The following CAMK1D variants were observed in gnomAD, a reference collection of about 807,000 sequenced individuals.
The protein encoded by CAMK1D is calcium/calmodulin dependent protein kinase ID.
CAMK1D carries 9 observed loss-of-function variants against 47.7 expected under a neutral mutation model. That is an observed-to-expected ratio of 0.19 (90% CI 0.11 to 0.33). The LOEUF is 0.33. CAMK1D is among the 10% of genes least tolerant of loss of function. CAMK1D has a pLI of 1.00. For missense variants in CAMK1D, 291 were observed against 488.7 expected, an observed-to-expected ratio of 0.60 and a Z score of 3.81; for synonymous variants, 184 against 184.9, an observed-to-expected ratio of 0.99 and a Z score of 0.04.
rs1346806987 is a variant in CAMK1D, at chr10:12,751,060, A to T, written c.300-9888A>T. ...GGAGCCCGTCTCCCCCAATAAGATAAGATAAGATAAGATAAGATAAGATAA... is the reference window on the plus strand; with the variant it reads ...GGAGCCCGTCTCCCCCAATAAGATATGATAAGATAAGATAAGATAAGATAA... On this transcript the variant is annotated intron_variant, in intron 3 of 10. Transcript: ENST00000619168. Among the ~76,000 whole-genome samples the T allele has an allele frequency of 2.2e-3, 3 of 1,390 alleles. No homozygotes were observed. In the East Asian group the frequency reaches 0.041, roughly 19 times the overall value. 0.9% of individuals were successfully genotyped at this position (1,390 alleles called of 152,430 possible). A position where few individuals can be genotyped will look rare whatever the true frequency, so the allele number is the denominator to read the frequency against.
intron 4 of CAMK1D, among the ~76,000 whole-genome samples, chr10:12,763,815 C>G (rs1364685662): frequency 6.6e-6 from 1 of 152,182 alleles, no homozygotes; most frequent in Non-Finnish European, 1.5e-5. Context: ...TATTCCAACT[C>G]AGGTATTGGC....
At chr10:12,640,565 CTTTAT>C (rs1435942631) in intron 2 of CAMK1D, among the ~76,000 whole-genome samples, 10 of 152,084 alleles carry the variant, frequency 6.6e-5, no homozygotes, top group Admixed American at 5.2e-4. Flanking sequence ...GCAAATGGTA[CTTTAT>C]TTTCTCTGTG....
intron 2 of CAMK1D, among the ~76,000 whole-genome samples, chr10:12,608,920 C>T (rs12414714): frequency 0.15 from 23,286 of 152,192 alleles, 2,456 homozygotes; most frequent in African/African-American, 0.29. Context: ...AGGAGTGGTG[C>T]AGGAGTAAAT....
intron 1 of CAMK1D, among the ~76,000 whole-genome samples, chr10:12,541,410 C>G: frequency 6.6e-6 from 1 of 152,190 alleles, no homozygotes; most frequent in East Asian, 1.9e-4. Flanking sequence ...GTGACCCAGG[C>G]TGGAGTGCAG....
At chr10:12,564,686 C>T (rs1030083977) in intron 2 of CAMK1D, among the ~76,000 whole-genome samples, 1 of 152,042 alleles carries the variant, frequency 6.6e-6, no homozygotes, top group African/African-American at 2.4e-5. Flanking sequence ...TTGCATTTTT[C>T]TGTTATGAAT....
In CAMK1D at chr10:12,709,699, G is replaced by A. The variant is rs144435742; in HGVS notation, c.299+42889G>A. Among the ~76,000 whole-genome samples, 264 of 152,280 alleles carry A rather than the reference G, an allele frequency of 1.7e-3. 1 individual carries two copies. In the East Asian group the frequency reaches 0.017, roughly 10 times the overall value. On this transcript the variant is annotated intron_variant, in intron 3 of 10. Transcript: ENST00000619168. ...TATGGAGTGATTCAGTTTCCTCTCT[G>A]TAGCAACATCCATGAAAATATCTAT...
intron 1 of CAMK1D, among the ~76,000 whole-genome samples, chr10:12,405,830 T>A (rs763373889): frequency 6.6e-6 from 1 of 152,260 alleles, no homozygotes; most frequent in Non-Finnish European, 1.5e-5. Context: ...TTATTACAAG[T>A]ACTTCTTATC....
chr10:12,703,043 G>C (rs1395589074), intron 3 of CAMK1D, among the ~76,000 whole-genome samples: 1 of 152,232 alleles, frequency 6.6e-6, no homozygotes, highest in African/African-American at 2.4e-5. Flanking sequence ...CAGTAGGTCA[G>C]AGTTGTTTCC....
chr10:12,563,675 GAGAGA>G (rs1837020825), intron 2 of CAMK1D, among the ~76,000 whole-genome samples: 1 of 112,356 alleles, frequency 8.9e-6, no homozygotes, highest in Admixed American at 8.4e-5. Context: ...GAGAGAGAGA[GAGAGA>G]GAGAGAGAGA....
chr10:12,819,863 A>G (rs138485348), intron 8 of CAMK1D, among the ~76,000 whole-genome samples: 19 of 152,264 alleles, frequency 1.2e-4, no homozygotes, highest in Non-Finnish European at 2.4e-4. Context: ...GGAGTGGGGC[A>G]GGGAGGACTG....
chr10:12,355,710 C>G (rs1278508886), intron 1 of CAMK1D, among the ~76,000 whole-genome samples: 2 of 152,086 alleles, frequency 1.3e-5, no homozygotes, highest in Non-Finnish European at 2.9e-5. Flanking sequence ...GTTTGGATTC[C>G]CCAGTCCTCT....
At chr10:12,527,874 G>C (rs1835678771) in intron 1 of CAMK1D, among the ~76,000 whole-genome samples, 1 of 152,170 alleles carries the variant, frequency 6.6e-6, no homozygotes, top group African/African-American at 2.4e-5. Context: ...GGGTTAGTGG[G>C]CTTGCTTCAT....
intron 2 of CAMK1D, among the ~76,000 whole-genome samples, chr10:12,651,454 C>T (rs944601534): frequency 3.3e-5 from 5 of 152,280 alleles, no homozygotes; most frequent in African/African-American, 1.2e-4. Context: ...TGCAGTGGTG[C>T]AGTCATGGTT....
chr10:12,547,633 G>A (rs369050293), intron 1 of CAMK1D, among the ~76,000 whole-genome samples: 2 of 121,986 alleles, frequency 1.6e-5, no homozygotes, highest in African/African-American at 4.0e-5. Flanking sequence ...TTCCTGTCAC[G>A]AGGACACCCC....
chr10:12,394,595 A>G (rs1235034166), intron 1 of CAMK1D, among the ~76,000 whole-genome samples: 1 of 152,164 alleles, frequency 6.6e-6, no homozygotes, highest in Non-Finnish European at 1.5e-5. Flanking sequence ...GGTCTGTGCT[A>G]GGAGCCACAG....
At chr10:12,823,494 C>T (rs1226483941) in intron 8 of CAMK1D, among the ~76,000 whole-genome samples, 1 of 151,756 alleles carries the variant, frequency 6.6e-6, no homozygotes, top group South Asian at 2.1e-4. Flanking sequence ...GAAGGGCATG[C>T]ATGAGGGAAG....
At chr10:12,766,370 T>C (rs1588901698) in intron 4 of CAMK1D, among the ~76,000 whole-genome samples, 2 of 146,188 alleles carry the variant, frequency 1.4e-5, no homozygotes, top group African/African-American at 5.0e-5. Context: ...TCTTTTTTTT[T>C]TTTTTTTTTT....
intron 2 of CAMK1D, among the ~76,000 whole-genome samples, chr10:12,648,372 T>C (rs1042033936): frequency 6.6e-6 from 1 of 152,174 alleles, no homozygotes; most frequent in Non-Finnish European, 1.5e-5. Context: ...GAGCTGGTAA[T>C]GGTTATGTTT....
intron 2 of CAMK1D, among the ~76,000 whole-genome samples, chr10:12,650,882 A>G (rs1839941299): frequency 6.6e-6 from 1 of 152,218 alleles, no homozygotes; most frequent in East Asian, 1.9e-4. Flanking sequence ...GGGGAAAAAA[A>G]CCCATCAGGG....
Sources: allele counts gnomAD v4.1 joint callset (sites outside exome capture counted in the v4.1 genomes callset), GRCh38; gene constraint gnomAD v4.1.1; transcripts MANE v1.5; gene names NCBI Gene and HGNC (gene_info 2026-07-23, HGNC 2026-07-21).